ODAD1: variants seen among roughly 807,000 people sequenced by gnomAD.
ODAD1 encodes outer dynein arm docking complex subunit 1, also known as outer dynein arm-docking complex subunit 1.
In ODAD1, 49 loss-of-function variants were observed where a neutral mutation model predicts 67.2. That is an observed-to-expected ratio of 0.73 (90% CI 0.58 to 0.92). The LOEUF (loss-of-function observed/expected upper bound fraction) is 0.92. Among genes scored for constraint, ODAD1 ranks in the 40% least tolerant of loss-of-function variants. The pLI is 0.00. For missense variants in ODAD1, 897 were observed against 953.7 expected, an observed-to-expected ratio of 0.94 and a Z score of 0.78; for synonymous variants, 345 against 393.7, an observed-to-expected ratio of 0.88 and a Z score of 1.46.
At position 48,320,399 on chromosome 19, in the gene ODAD1, G is replaced by A. The variant is rs1271180035; in HGVS notation, c.-23-8C>T. On this transcript the variant is annotated splice_region_variant and splice_polypyrimidine_tract_variant and intron_variant, in intron 2 of 15. Coordinates refer to ENST00000674294, the MANE Select transcript of ODAD1 (RefSeq NM_001364171.2). ...CCAAACAGGGTGGGGCTCCTGTAGG[G>A]ATGGACATATAAGACCCTTCAGACA... 7.8e-7 allele frequency: 1 copy of A among 1,281,204 alleles called. No individual in the cohort carries two copies. The highest frequency in any genetic ancestry group is 2.3e-5 in the Admixed American group (1 of 42,706). 79.4% of individuals were successfully genotyped at this position (1,281,204 alleles called of 1,614,324 possible).
chr19:48,306,058 C>CAA, intron 8 of ODAD1, 198 bp downstream of exon 8: 2 of 356,534 alleles, frequency 5.6e-6, no homozygotes, highest in African/African-American at 2.3e-5. Flanking sequence ...GACTCTGTCT[C>CAA]AAAAAAAAAG....
chr19:48,320,701 C>T (rs1378220189), intron 2 of ODAD1, 71 bp downstream of exon 2: 6 of 175,808 alleles, frequency 3.4e-5, no homozygotes, highest in Non-Finnish European at 1.2e-5. Context: ...GAGGGGGAAA[C>T]CCCGGCCTGC....
chr19:48,318,872 C>A (rs2147337221), intron 3 of ODAD1, 60 bp from the exon 4 acceptor site: 1 of 1,081,730 alleles, frequency 9.2e-7, no homozygotes, highest in East Asian at 2.6e-5. Context: ...TCCTCCCAAC[C>A]CAGGACCTAG....
intron 5 of ODAD1, among the ~76,000 whole-genome samples, chr19:48,316,203 AC>A (rs1334658015): frequency 1.3e-5 from 2 of 151,764 alleles, no homozygotes; most frequent in African/African-American, 2.4e-5. Flanking sequence ...ACATAGTGAA[AC>A]CCCCCATCTC....
At position 48,318,507 on chromosome 19, in the gene ODAD1, C is replaced by T. The variant is rs1178159945; in HGVS notation, c.240G>A (p.Gln80=). 1 of 1,551,566 alleles carries T rather than the reference C, an allele frequency of 6.4e-7. No individual in the cohort carries two copies. The highest frequency in any genetic ancestry group is 2.0e-5 in the Admixed American group (1 of 50,964). ...LQVQISAAQN[Q]VKRLRDSQRL... is the part of the protein sequence containing the mutation. ...GCTGACTGTCCCGAAGCCGCTTGAC[C>T]TGGTTCTGGGCTGCGCTGATCTGCA... The change falls in exon 5 of 16, where the codon CAG becomes CAA. Residue 80 remains glutamine (Q), a synonymous_variant. Coordinates refer to ENST00000674294, the MANE Select transcript of ODAD1 (RefSeq NM_001364171.2).
intron 8 of ODAD1, 37 bp from the exon 9 acceptor site, chr19:48,304,177 T>G: frequency 6.4e-7 from 1 of 1,559,016 alleles, no homozygotes; most frequent in Non-Finnish European, 8.7e-7. Context: ...GACTGGAGGC[T>G]GGACTGGGGT....
At chr19:48,297,875 TA>T in intron 14 of ODAD1, 124 bp downstream of exon 14, 1 of 852,860 alleles carries the variant, frequency 1.2e-6, no homozygotes, top group Non-Finnish European at 1.8e-6. Flanking sequence ...CTTCATATTC[TA>T]ACCCCCCAGG....
rs956274770 is a variant in ODAD1 at position 48,296,847 on chromosome 19, G to T, written c.*129C>A. On this transcript the variant is annotated 3_prime_UTR_variant, in exon 16 of 16. Coordinates refer to ENST00000674294, the MANE Select transcript of ODAD1 (RefSeq NM_001364171.2). ...GAAGGGCAGATGAAAACAGTTGAAG[G>T]GGCAAAAAGACAGAGGCCTGCCACT... The T allele has an allele frequency of 1.4e-6, 2 of 1,433,464 alleles. No homozygotes were observed. The highest frequency in any genetic ancestry group is 2.9e-5 in the African/African-American group (2 of 69,554). 88.8% of individuals were successfully genotyped at this position (1,433,464 alleles called of 1,614,324 possible). A position where few individuals can be genotyped will look rare whatever the true frequency, so the allele number is the denominator to read the frequency against.
chr19:48,307,862 A>G (rs1968656097), intron 7 of ODAD1, among the ~76,000 whole-genome samples: 1 of 151,082 alleles, frequency 6.6e-6, no homozygotes, highest in Non-Finnish European at 1.5e-5. Flanking sequence ...TTAGTGCCTC[A>G]ACACCTACTC....
chr19:48,308,058 G>A (rs1427636935), intron 7 of ODAD1, among the ~76,000 whole-genome samples: 4 of 152,136 alleles, frequency 2.6e-5, no homozygotes, highest in Non-Finnish European at 4.4e-5. Flanking sequence ...CAAATCTGGG[G>A]CAATTTGAAT....
intron 1 of ODAD1, 123 bp downstream of exon 1, chr19:48,321,555 C>A (rs1482466365): frequency 1.5e-5 from 5 of 341,248 alleles, no homozygotes; most frequent in Non-Finnish European, 2.1e-5. Context: ...GTTTGGAAGG[C>A]CTTACGAGGG....
chr19:48,312,115 A>G lies in ODAD1; in HGVS notation c.362T>C (p.Ile121Thr), dbSNP rs1286088648. The change falls in exon 6 of 16, where the codon ATC (isoleucine) becomes ACC (threonine). Residue 121 changes from isoleucine to threonine, a missense_variant and splice_region_variant. By Grantham distance (89) the Ile-to-Thr change is moderately conservative. Transcript: ENST00000674294. ...QEQTRALDKQ[I>T]QEWETRIFTH... Reference sequence around the variant, plus strand: ...AAAGATCCGCGTCTCCCACTCCTGGATCTACAAGAAAGAGGATGGTACCTG... The same window carrying G: ...AAAGATCCGCGTCTCCCACTCCTGGGTCTACAAGAAAGAGGATGGTACCTG... The G allele has an allele frequency of 1.3e-6, 2 of 1,551,296 alleles. No individual in the cohort carries two copies. Among genetic ancestry groups the G allele is most frequent in the Admixed American group, 3.9e-5 (2 of 50,962 alleles).
chr19:48,312,423 T>G (rs867231560), intron 5 of ODAD1, among the ~76,000 whole-genome samples: 2,567 of 142,702 alleles, frequency 0.018, 87 homozygotes, highest in African/African-American at 0.055. Context: ...TTTTTTTTTT[T>G]TTTTTTTTTG....
rs541752357 is a variant in ODAD1, at chr19:48,297,839, T to C, written c.1502+161A>G. 282 of 808,968 alleles carry C rather than the reference T, an allele frequency of 3.5e-4. 1 individual carries two copies. The East Asian group carries it at 7.5e-3, about 22-fold the overall frequency. 50.1% of individuals were successfully genotyped at this position (808,968 alleles called of 1,614,324 possible). Reference sequence around the variant, plus strand: ...TCCCACACAGGTGCCAAGCCCCTACTCCTTCTGGCTGCCTCGAAGCACATA... The same window carrying C: ...TCCCACACAGGTGCCAAGCCCCTACCCCTTCTGGCTGCCTCGAAGCACATA... On this transcript the variant is annotated intron_variant, in intron 14 of 15. Transcript: ENST00000674294.
chr19:48,312,260 T>C (rs762181483), intron 5 of ODAD1, 144 bp from the exon 6 acceptor site: 20 of 641,194 alleles, frequency 3.1e-5, no homozygotes, highest in Non-Finnish European at 4.6e-5. Context: ...GCTGACACTA[T>C]CCAGCCCTCC....
chr19:48,320,505 G>A (rs954019137), intron 2 of ODAD1, 114 bp from the exon 3 acceptor site: 1 of 433,116 alleles, frequency 2.3e-6, no homozygotes, highest in African/African-American at 2.1e-5. Context: ...CTAGAACCAC[G>A]CTGGCCTCAT....
chr19:48,309,958 G>A (rs967035051), intron 7 of ODAD1, among the ~76,000 whole-genome samples: 1 of 152,134 alleles, frequency 6.6e-6, no homozygotes, highest in Admixed American at 6.5e-5. Flanking sequence ...AAACCGGCCG[G>A]GCGTGGTGGC....
At chr19:48,306,651 AC>A (rs1968615270) in intron 7 of ODAD1, among the ~76,000 whole-genome samples, 2 of 152,178 alleles carry the variant, frequency 1.3e-5, no homozygotes, top group African/African-American at 4.8e-5. Flanking sequence ...TGATTTGAGA[AC>A]CTTGTTAATG....
intron 5 of ODAD1, among the ~76,000 whole-genome samples, chr19:48,315,671 TC>T (rs1441630530): frequency 2.6e-5 from 4 of 152,102 alleles, no homozygotes; most frequent in African/African-American, 4.8e-5. Context: ...CAGTCGAGTC[TC>T]CCCCCAGCAA....
Sources: gnomAD v4.1 joint callset for allele counts (sites outside exome capture counted in the v4.1 genomes callset) on GRCh38, gnomAD v4.1.1 for gene constraint, MANE v1.5 for transcripts, NCBI Gene and HGNC (gene_info 2026-07-23, HGNC 2026-07-21) for gene names.